Variants in COL15A1 observed in about 807,000 individuals in gnomAD.
COL15A1 encodes collagen alpha-1(XV) chain.
COL15A1 carries 111 observed loss-of-function variants against 165.9 expected under a neutral mutation model. That is an observed-to-expected ratio of 0.67 (90% confidence interval 0.57 to 0.78). The LOEUF is 0.78. Among genes scored for constraint, COL15A1 ranks in the 30% least tolerant of loss-of-function variants. COL15A1 has a pLI of 0.00. For synonymous variants in COL15A1, 659 were observed against 674.8 expected (o/e 0.98, Z 0.36); for missense variants, 1,745 against 1,789.7 (o/e 0.98, Z 0.45).
intron 2 of COL15A1, among the ~76,000 whole-genome samples, chr9:98,954,313 CT>C (rs1461627985): frequency 6.6e-6 from 1 of 152,152 alleles, no homozygotes; most frequent in African/African-American, 2.4e-5. Context: ...CACATATTAT[CT>C]TGTGACTCAA....
chr9:99,045,761 C>G (rs1839483154), intron 26 of COL15A1, among the ~76,000 whole-genome samples: 1 of 152,216 alleles, frequency 6.6e-6, no homozygotes, highest in Non-Finnish European at 1.5e-5. Flanking sequence ...TAGGTCCAGT[C>G]TCTTCTCAGA....
chr9:99,059,860 T>A (rs1318483320), intron 35 of COL15A1, 29 bp from the exon 36 acceptor site: 1 of 1,611,714 alleles, frequency 6.2e-7, no homozygotes, highest in Admixed American at 1.7e-5. Flanking sequence ...GTGGTTTTTG[T>A]GTAACTTCTC....
intron 5 of COL15A1, among the ~76,000 whole-genome samples, chr9:98,994,117 G>T (rs563363886): frequency 6.6e-6 from 1 of 151,100 alleles, no homozygotes; most frequent in Admixed American, 6.6e-5. Context: ...TGTGTTGGGG[G>T]TGGGGGTGGC....
intron 11 of COL15A1, among the ~76,000 whole-genome samples, chr9:99,019,407 A>C (rs1289083726): frequency 6.6e-6 from 1 of 151,786 alleles, no homozygotes; most frequent in Non-Finnish European, 1.5e-5. Flanking sequence ...TGGAGACAGG[A>C]TTTCACCATG....
chr9:99,037,011 A>G (rs3780621), intron 21 of COL15A1, among the ~76,000 whole-genome samples: 21,392 of 152,242 alleles, frequency 0.14, 1,767 homozygotes, highest in East Asian at 0.35. Context: ...TACACCCTTC[A>G]TGTCACAGGA....
At chr9:99,045,008 C>T (rs34654420) in intron 26 of COL15A1, among the ~76,000 whole-genome samples, 19,191 of 152,230 alleles carry the variant, frequency 0.13, 1,268 homozygotes, top group South Asian at 0.2. Context: ...CTCAGCTTGG[C>T]ATCTCTCCTC....
intron 9 of COL15A1, among the ~76,000 whole-genome samples, chr9:99,007,112 A>G (rs1315626078): frequency 6.6e-6 from 1 of 152,214 alleles, no homozygotes; most frequent in Non-Finnish European, 1.5e-5. Flanking sequence ...TCCATGTCAT[A>G]GGTAGATAAG....
Position 99,023,354 on chromosome 9 carries a change from C to T in COL15A1, c.1762-3C>T, listed in dbSNP as rs762620277. 27 of 1,596,938 alleles carry T rather than the reference C, an allele frequency of 1.7e-5. No homozygotes were observed. Among genetic ancestry groups the T allele is most frequent in the Non-Finnish European group, 2.0e-5 (23 of 1,170,792 alleles). ...AAGTAGTGGAAATTTCTTCTCTTTC[C>T]AGGCAGGAGCAGAAGCAGAGGGCTC... On this transcript the variant is annotated splice_region_variant and splice_polypyrimidine_tract_variant and intron_variant, in intron 13 of 41. Transcript: ENST00000375001.
chr9:98,989,419 G>T (rs1331816008), intron 5 of COL15A1, among the ~76,000 whole-genome samples, 161 bp downstream of exon 5: 1 of 152,210 alleles, frequency 6.6e-6, no homozygotes, highest in Non-Finnish European at 1.5e-5. Context: ...TGGCCAATGG[G>T]CACTTTGCAA....
intron 2 of COL15A1, 89 bp from the exon 3 acceptor site, chr9:98,985,476 C>G: frequency 7.9e-7 from 1 of 1,268,886 alleles, no homozygotes; most frequent in Non-Finnish European, 1.1e-6. Flanking sequence ...CCTGAGTGAT[C>G]CCGTTTCATT....
chr9:98,959,936 C>A (rs1026689346), intron 2 of COL15A1, among the ~76,000 whole-genome samples: 1 of 152,216 alleles, frequency 6.6e-6, no homozygotes, highest in African/African-American at 2.4e-5. Context: ...GCTCTACCAC[C>A]CTGAACTGCT....
intron 2 of COL15A1, among the ~76,000 whole-genome samples, chr9:98,968,169 C>A (rs1837987563): frequency 6.6e-6 from 1 of 152,218 alleles, no homozygotes; most frequent in South Asian, 2.1e-4. Flanking sequence ...AATAAGAACA[C>A]CCTCCTCACT....
chr9:99,005,189 G>C (rs1242385359), intron 9 of COL15A1, 139 bp downstream of exon 9: 1 of 919,752 alleles, frequency 1.1e-6, no homozygotes, highest in African/African-American at 1.7e-5. Flanking sequence ...ACTTGGGGGT[G>C]GAGTTTGCCA....
Position 99,044,666 on chromosome 9 carries a change from A to G in COL15A1, c.2643+30A>G, listed in dbSNP as rs1455615562. 9.9e-6 allele frequency: 16 copies of G among 1,612,640 alleles called. 1 individual carries two copies. In the East Asian group the frequency reaches 2.7e-4, roughly 27 times the overall value. ...TTATGTCACCAGACCCTGCAGGCACATATCTGCCCCAGCTTTGCATCTTTG... is the reference window on the plus strand; with the variant it reads ...TTATGTCACCAGACCCTGCAGGCACGTATCTGCCCCAGCTTTGCATCTTTG... On this transcript the variant is annotated intron_variant, in intron 25 of 41. Transcript: ENST00000375001.
chr9:98,945,020 A>G (rs1366250344), intron 2 of COL15A1, among the ~76,000 whole-genome samples: 2 of 152,218 alleles, frequency 1.3e-5, no homozygotes, highest in African/African-American at 4.8e-5. Flanking sequence ...CCCCATCTGA[A>G]AAAGGCGATT....
At chr9:99,045,889 A>G (rs1223432972) in intron 26 of COL15A1, among the ~76,000 whole-genome samples, 1 of 152,316 alleles carries the variant, frequency 6.6e-6, no homozygotes, top group East Asian at 1.9e-4. Context: ...GGGAGAAAGG[A>G]CCTCACATTT....
At chr9:98,999,828 A>T (rs184814211) in intron 6 of COL15A1, among the ~76,000 whole-genome samples, 1 of 146,484 alleles carries the variant, frequency 6.8e-6, no homozygotes, top group East Asian at 2.0e-4. Flanking sequence ...CCAATGAATA[A>T]GTTTTCTTTG....
chr9:99,054,634 C>T lies in COL15A1; in HGVS notation c.3009C>T (p.Asp1003=), dbSNP rs1251424518. The change falls in exon 32 of 42, where the codon GAC becomes GAT. Residue 1003 remains aspartate (D), a synonymous_variant. Transcript: ENST00000375001. ...GLPGSKGEKG[D]QGAQGPPGPP... is the part of the protein sequence containing the mutation. ...CTGGCTCAAAGGGAGAAAAAGGCGA[C>T]CAGGGAGCCCAGGGACCACCAGGTA... The T allele has an allele frequency of 6.2e-7, 1 of 1,612,496 alleles. No homozygotes were observed. Among genetic ancestry groups the T allele is most frequent in the Non-Finnish European group, 8.5e-7 (1 of 1,179,526 alleles).
At position 99,034,538 on chromosome 9, in the gene COL15A1, GTT is replaced by G; in HGVS notation, c.2044-5_2044-4del. 1 of 1,270,444 alleles carries G rather than the reference GTT, an allele frequency of 7.9e-7. No homozygotes were observed. 78.7% of individuals were successfully genotyped at this position (1,270,444 alleles called of 1,614,324 possible). On this transcript the variant is annotated splice_polypyrimidine_tract_variant and intron_variant, in intron 16 of 41. Coordinates refer to ENST00000375001, the MANE Select transcript of COL15A1 (RefSeq NM_001855.5). The stretch of plus-strand genomic sequence containing the variant: ...TTAATTGGTCCATGTTTTTGTTTTT[GTT>G]TTTTTCAGGGAGCAAGAGGGCCTAA...
Sources: gnomAD v4.1 joint callset for allele counts (sites outside exome capture counted in the v4.1 genomes callset) on GRCh38, gnomAD v4.1.1 for gene constraint, MANE v1.5 for transcripts, NCBI Gene and HGNC (gene_info 2026-07-23, HGNC 2026-07-21) for gene names.